The following LGR6 variants were observed in gnomAD, a reference collection of about 807,000 sequenced individuals.
The protein encoded by LGR6 is leucine rich repeat containing G protein-coupled receptor 6.
A neutral mutation model predicts 69.4 loss-of-function variants in LGR6; 45 were observed. The ratio of observed to expected loss-of-function variants is 0.65; its 90% CI spans 0.51 to 0.83. The LOEUF (loss-of-function observed/expected upper bound fraction) is 0.83. LGR6 is among the 40% of genes least tolerant of loss of function. LGR6 has a pLI of 0.00. For missense variants in LGR6, 1,108 were observed against 1,246.7 expected (o/e 0.89, Z 1.68); for synonymous variants, 538 against 555.0 (o/e 0.97, Z 0.43).
chr1:202,270,878 C>A (rs1396188143), intron 4 of LGR6, among the ~76,000 whole-genome samples: 1 of 152,160 alleles, frequency 6.6e-6, no homozygotes, highest in African/African-American at 2.4e-5. Context: ...AGGGAAGGGT[C>A]CCCTTCCTTC....
intron 4 of LGR6, among the ~76,000 whole-genome samples, chr1:202,242,263 A>G (rs1001507414): frequency 2.6e-5 from 4 of 152,234 alleles, no homozygotes; most frequent in African/African-American, 7.2e-5. Context: ...CACAGCTAGG[A>G]TGTAACAGAG....
intron 1 of LGR6, among the ~76,000 whole-genome samples, chr1:202,219,331 G>A (rs1659992852): frequency 6.6e-6 from 1 of 152,224 alleles, no homozygotes; most frequent in Non-Finnish European, 1.5e-5. Context: ...GGGAGGGGTT[G>A]CTGCTGAAGG....
chr1:202,287,940 A>G (rs932310398), intron 6 of LGR6, among the ~76,000 whole-genome samples: 1 of 152,078 alleles, frequency 6.6e-6, no homozygotes, highest in Non-Finnish European at 1.5e-5. Flanking sequence ...CTATTTTAAT[A>G]TACAAATCAG....
intron 3 of LGR6, among the ~76,000 whole-genome samples, chr1:202,233,314 G>A (rs1294622685): frequency 6.6e-6 from 1 of 152,152 alleles, no homozygotes; most frequent in African/African-American, 2.4e-5. Flanking sequence ...TGGAGCTCGG[G>A]ACTCACTTGT....
intron 6 of LGR6, among the ~76,000 whole-genome samples, chr1:202,291,805 G>T (rs1255222406): frequency 6.6e-6 from 1 of 152,170 alleles, no homozygotes; most frequent in Admixed American, 6.5e-5. Context: ...GCAATTAAAT[G>T]AATTAATATA....
At chr1:202,227,137 A>C (rs572061266) in intron 2 of LGR6, among the ~76,000 whole-genome samples, 1 of 152,184 alleles carries the variant, frequency 6.6e-6, no homozygotes, top group Admixed American at 6.5e-5. Context: ...TTAAACAATA[A>C]ATGTCAAATA....
At chr1:202,271,532 C>T (rs1395418692) in intron 4 of LGR6, among the ~76,000 whole-genome samples, 3 of 152,022 alleles carry the variant, frequency 2.0e-5, no homozygotes, top group African/African-American at 7.2e-5. Context: ...GGAGGCTGGG[C>T]GCGGTGGCTC....
At chr1:202,242,823 C>T (rs1234122326) in intron 4 of LGR6, among the ~76,000 whole-genome samples, 1 of 152,196 alleles carries the variant, frequency 6.6e-6, no homozygotes, top group African/African-American at 2.4e-5. Context: ...TGCCTCTGAT[C>T]GCCCTCCAAA....
chr1:202,199,372 C>A (rs1157509038), intron 1 of LGR6, among the ~76,000 whole-genome samples: 3 of 152,142 alleles, frequency 2.0e-5, no homozygotes, highest in Non-Finnish European at 4.4e-5. Context: ...AGAAGGCAGA[C>A]CCGGGGGGTC....
At chr1:202,308,769 C>T (rs1653473049) in intron 14 of LGR6, among the ~76,000 whole-genome samples, 1 of 152,226 alleles carries the variant, frequency 6.6e-6, no homozygotes, top group Non-Finnish European at 1.5e-5. Context: ...CAAATTGGGA[C>T]AGCTTGGCAT....
intron 1 of LGR6, among the ~76,000 whole-genome samples, chr1:202,218,885 C>T (rs555771948): frequency 1.3e-5 from 2 of 152,194 alleles, no homozygotes; most frequent in African/African-American, 4.8e-5. Flanking sequence ...GGAGGTTTGC[C>T]GTCCCTTTGT....
At chr1:202,266,823 A>C (rs1664703132) in intron 4 of LGR6, among the ~76,000 whole-genome samples, 1 of 152,010 alleles carries the variant, frequency 6.6e-6, no homozygotes, top group African/African-American at 2.4e-5. Flanking sequence ...TGAAGGTTCC[A>C]CACCCTTTAA....
intron 14 of LGR6, among the ~76,000 whole-genome samples, chr1:202,308,361 TC>T (rs1653432543): frequency 6.6e-6 from 1 of 152,188 alleles, no homozygotes; most frequent in Non-Finnish European, 1.5e-5. Flanking sequence ...GATTTGTGGC[TC>T]CCCTTGGTTA....
intron 6 of LGR6, among the ~76,000 whole-genome samples, chr1:202,291,152 T>C (rs1005621065): frequency 2.0e-5 from 3 of 152,224 alleles, no homozygotes; most frequent in Admixed American, 6.5e-5. Flanking sequence ...AGGGGTGTCT[T>C]AGCTATGGAC....
At chr1:202,242,187 T>A (rs1049596792) in intron 4 of LGR6, among the ~76,000 whole-genome samples, 1 of 152,202 alleles carries the variant, frequency 6.6e-6, no homozygotes, top group Non-Finnish European at 1.5e-5. Flanking sequence ...AAATAGTGTC[T>A]GTTATTCCCA....
intron 1 of LGR6, among the ~76,000 whole-genome samples, chr1:202,220,866 AAC>A (rs2147939770): frequency 6.6e-6 from 1 of 151,990 alleles, no homozygotes; most frequent in South Asian, 2.1e-4. Context: ...CACACACACA[AAC>A]ACATACACTC....
intron 7 of LGR6, among the ~76,000 whole-genome samples, chr1:202,299,221 C>T (rs1667394383): frequency 6.8e-6 from 1 of 146,858 alleles, no homozygotes; most frequent in African/African-American, 2.6e-5. Context: ...GATTGTACCA[C>T]TGTACTCCAG....
intron 1 of LGR6, among the ~76,000 whole-genome samples, chr1:202,214,954 GC>G (rs760766114): frequency 9.2e-5 from 14 of 151,892 alleles, no homozygotes; most frequent in Non-Finnish European, 1.9e-4. Flanking sequence ...AAACCCTCTG[GC>G]TAGGGTAGGG....
intron 1 of LGR6, among the ~76,000 whole-genome samples, chr1:202,211,549 T>C (rs548360533): frequency 7.9e-4 from 120 of 152,250 alleles, no homozygotes; most frequent in Non-Finnish European, 1.3e-3. Flanking sequence ...TTTGTAGAGA[T>C]GGGGTTTCAC....
Sources: allele counts gnomAD v4.1 joint callset (sites outside exome capture counted in the v4.1 genomes callset), GRCh38; gene constraint gnomAD v4.1.1; transcripts MANE v1.5; gene names NCBI Gene and HGNC (gene_info 2026-07-23, HGNC 2026-07-21).